RABGAP1L: variants seen among roughly 807,000 people sequenced by gnomAD.
RABGAP1L encodes the protein rab GTPase-activating protein 1-like.
RABGAP1L carries 63 observed loss-of-function variants against 137.7 expected under a neutral mutation model. The observed-to-expected ratio is 0.46, with a 90% CI of 0.37 to 0.56. The LOEUF (loss-of-function observed/expected upper bound fraction) is 0.56, where lower values mean the gene tolerates loss of function less well. Ranked by LOEUF, RABGAP1L falls within the 20% of genes least tolerant of loss-of-function variation. RABGAP1L has a pLI of 0.00. For missense variants in RABGAP1L, 1,095 were observed against 1,244.0 expected, an observed-to-expected ratio of 0.88 and a Z score of 1.80; for synonymous variants, 431 against 433.7, an observed-to-expected ratio of 0.99 and a Z score of 0.08.
chr1:174,757,065 G>T, intron 18 of RABGAP1L: 1 of 532,116 alleles, frequency 1.9e-6, no homozygotes, highest in Non-Finnish European at 3.7e-6. Context: ...CTCCCTACTG[G>T]CTTTTCCCCC....
chr1:174,252,821 A>G (rs1200056659), intron 7 of RABGAP1L, among the ~76,000 whole-genome samples: 1 of 152,216 alleles, frequency 6.6e-6, no homozygotes, highest in Non-Finnish European at 1.5e-5. Context: ...AACTGCTACA[A>G]CTGGGTTTGT....
chr1:174,877,359 TG>T (rs757181150), intron 19 of RABGAP1L: 158 of 1,446,030 alleles, frequency 1.1e-4, no homozygotes, highest in Non-Finnish European at 1.4e-4. Context: ...TCTTTCTTTC[TG>T]GATTTTTGAC....
In RABGAP1L at chr1:174,771,162, G is replaced by A. The variant is rs191165211; in HGVS notation, c.2211+18808G>A. 5.7e-4 allele frequency among the ~76,000 whole-genome samples: 87 copies of A among 152,246 alleles called. 1 individual carries two copies. Among genetic ancestry groups the A allele is most frequent in the Middle Eastern group, 3.4e-3 (1 of 294 alleles). ...TCCTTTGCCATGGCACATTTGAGGG[G>A]GATGCGCAGGATACGATTCTGAGGG... On this transcript the variant is annotated intron_variant, in intron 18 of 25. Transcript: ENST00000681986.
At chr1:174,877,695 T>C in intron 19 of RABGAP1L, 2 of 1,335,316 alleles carry the variant, frequency 1.5e-6, no homozygotes, top group Non-Finnish European at 1.1e-6. Flanking sequence ...CATAACTTGC[T>C]GTTGGCTTTG....
At chr1:174,317,158 T>C (rs1679453081) in intron 11 of RABGAP1L, among the ~76,000 whole-genome samples, 1 of 151,968 alleles carries the variant, frequency 6.6e-6, no homozygotes, top group Non-Finnish European at 1.5e-5. Context: ...TGCTAGAACC[T>C]AAGGTGCAAG....
chr1:174,765,898 G>A (rs185972035), intron 18 of RABGAP1L, among the ~76,000 whole-genome samples: 34 of 152,232 alleles, frequency 2.2e-4, no homozygotes, highest in East Asian at 2.1e-3. Flanking sequence ...TGTATATGAT[G>A]TAAGGCAGGG....
chr1:174,269,283 G>T (rs146924520), intron 7 of RABGAP1L, among the ~76,000 whole-genome samples: 1 of 152,360 alleles, frequency 6.6e-6, no homozygotes, highest in East Asian at 1.9e-4. Context: ...TTACGTTGAC[G>T]TAATGAACAT....
rs563020586 is a variant in RABGAP1L at position 174,690,642 on chromosome 1, T to C, written c.1899+7046T>C. 1.9e-3 allele frequency among the ~76,000 whole-genome samples: 295 copies of C among 152,318 alleles called. 4 individuals are homozygous for C. Among genetic ancestry groups the C allele is most frequent in the South Asian group, 5.6e-3 (27 of 4,832 alleles). On this transcript the variant is annotated intron_variant, in intron 15 of 25. Transcript: ENST00000681986. ...GAATGGATTACACATAGGAGACTAA[T>C]ATATCATACAGTGATAGAATTTTAT...
intron 11 of RABGAP1L, among the ~76,000 whole-genome samples, chr1:174,355,440 A>T (rs1683547183): frequency 7.1e-6 from 1 of 140,792 alleles, no homozygotes; most frequent in South Asian, 2.3e-4. Flanking sequence ...AGGAAGGGGA[A>T]CATCACACTC....
intron 13 of RABGAP1L, among the ~76,000 whole-genome samples, chr1:174,525,996 T>C (rs1339377913): frequency 6.6e-6 from 1 of 152,156 alleles, no homozygotes. Flanking sequence ...TTGATCATGA[T>C]GTATTATTTG....
chr1:174,585,872 CAT>C (rs962838077), intron 13 of RABGAP1L, among the ~76,000 whole-genome samples: 8 of 152,074 alleles, frequency 5.3e-5, no homozygotes, highest in South Asian at 4.1e-4. Flanking sequence ...ATCATGTGTG[CAT>C]GTCTATGTGT....
chr1:174,710,318 C>G (rs1274988930), intron 17 of RABGAP1L, among the ~76,000 whole-genome samples: 1 of 152,154 alleles, frequency 6.6e-6, no homozygotes, highest in Non-Finnish European at 1.5e-5. Flanking sequence ...GAGAACACCA[C>G]AGAGATACTA....
At chr1:174,651,088 A>G (rs1325490121) in intron 14 of RABGAP1L, among the ~76,000 whole-genome samples, 1 of 151,812 alleles carries the variant, frequency 6.6e-6, no homozygotes, top group East Asian at 1.9e-4. Flanking sequence ...TCATTTCGTT[A>G]TGTACCCAGC....
At chr1:174,669,693 A>G (rs1042925279) in intron 14 of RABGAP1L, among the ~76,000 whole-genome samples, 2 of 152,190 alleles carry the variant, frequency 1.3e-5, no homozygotes, top group Non-Finnish European at 2.9e-5. Flanking sequence ...ATTATTCTGC[A>G]TGTGGATATG....
intron 17 of RABGAP1L, among the ~76,000 whole-genome samples, chr1:174,726,977 C>T (rs974127722): frequency 9.9e-5 from 15 of 152,178 alleles, no homozygotes; most frequent in African/African-American, 3.6e-4. Context: ...AATCGGTAAA[C>T]ATTTGTTAGT....
chr1:174,586,083 A>G (rs895988763), intron 13 of RABGAP1L, among the ~76,000 whole-genome samples: 1 of 152,196 alleles, frequency 6.6e-6, no homozygotes. Flanking sequence ...GCGTATGTTC[A>G]TTGCAGCACT....
chr1:174,275,993 G>A, intron 9 of RABGAP1L, 58 bp downstream of exon 9: 1 of 1,402,592 alleles, frequency 7.1e-7, no homozygotes, highest in South Asian at 1.3e-5. Context: ...TATGAACAAT[G>A]TTGCTTGTCA....
chr1:174,969,057 G>A (rs1669909977), intron 20 of RABGAP1L, among the ~76,000 whole-genome samples: 1 of 152,188 alleles, frequency 6.6e-6, no homozygotes, highest in African/African-American at 2.4e-5. Flanking sequence ...CATCTTGAGA[G>A]TTTAAGGGAC....
At chr1:174,349,590 C>A (rs1682860758) in intron 11 of RABGAP1L, among the ~76,000 whole-genome samples, 2 of 117,448 alleles carry the variant, frequency 1.7e-5, no homozygotes, top group African/African-American at 3.3e-5. Context: ...GGGGGCTGAC[C>A]CCCCCCACCT....
Sources: gnomAD v4.1 joint callset for allele counts (sites outside exome capture counted in the v4.1 genomes callset) on GRCh38, gnomAD v4.1.1 for gene constraint, MANE v1.5 for transcripts, NCBI Gene and HGNC (gene_info 2026-07-23, HGNC 2026-07-21) for gene names.